NRXN3: variants seen among roughly 807,000 people sequenced by gnomAD.
NRXN3 encodes neurexin 3.
NRXN3 carries 32 observed loss-of-function variants against 137.6 expected under a neutral mutation model. The ratio of observed to expected loss-of-function variants is 0.23; its 90% CI spans 0.18 to 0.31. The LOEUF (loss-of-function observed/expected upper bound fraction) is 0.31. Among genes scored for constraint, NRXN3 ranks in the 10% least tolerant of loss-of-function variants. The probability of loss-of-function intolerance (pLI) is 1.00; values close to 1 mark genes in which losing one functional copy is unlikely to be tolerated. For synonymous variants in NRXN3, 798 were observed against 784.5 expected, an observed-to-expected ratio of 1.02 and a Z score of -0.29; for missense variants, 1,574 against 2,062.5, an observed-to-expected ratio of 0.76 and a Z score of 4.59.
At chr14:79,655,773 A>G (rs1372080808) in intron 16 of NRXN3, among the ~76,000 whole-genome samples, 1 of 152,152 alleles carries the variant, frequency 6.6e-6, no homozygotes, top group Admixed American at 6.5e-5. Flanking sequence ...CAGTTGTGAC[A>G]GCCAAAAATG....
At chr14:79,000,561 G>A (rs1460860086) in intron 15 of NRXN3, among the ~76,000 whole-genome samples, 1 of 152,140 alleles carries the variant, frequency 6.6e-6, no homozygotes, top group Non-Finnish European at 1.5e-5. Context: ...ATTTAGGCAG[G>A]GAGGTGTCAT....
intron 15 of NRXN3, among the ~76,000 whole-genome samples, chr14:79,378,153 G>GTC (rs2094360182): frequency 6.6e-6 from 1 of 152,182 alleles, no homozygotes; most frequent in African/African-American, 2.4e-5. Context: ...TTCATCCTCA[G>GTC]TGCCTTCATT....
At chr14:79,144,109 G>A (rs2059074440) in intron 15 of NRXN3, among the ~76,000 whole-genome samples, 1 of 152,154 alleles carries the variant, frequency 6.6e-6, no homozygotes, top group Non-Finnish European at 1.5e-5. Context: ...GACAAAAGTT[G>A]GATTCATTTT....
At chr14:79,843,876 C>T (rs2099361440) in intron 20 of NRXN3, among the ~76,000 whole-genome samples, 2 of 152,040 alleles carry the variant, frequency 1.3e-5, no homozygotes, top group Admixed American at 1.3e-4. Flanking sequence ...ACATTGTACC[C>T]AATATATAGT....
intron 19 of NRXN3, among the ~76,000 whole-genome samples, chr14:79,723,593 T>G (rs1310980337): frequency 6.6e-6 from 1 of 152,152 alleles, no homozygotes; most frequent in Non-Finnish European, 1.5e-5. Context: ...CTCACTCTTT[T>G]GTGGATGTGT....
intron 15 of NRXN3, among the ~76,000 whole-genome samples, chr14:79,448,966 C>T (rs991742258): frequency 6.6e-6 from 1 of 152,116 alleles, no homozygotes; most frequent in Non-Finnish European, 1.5e-5. Context: ...TGTTCTTGAA[C>T]AATCACAGTC....
intron 16 of NRXN3, among the ~76,000 whole-genome samples, chr14:79,659,532 G>T (rs1442158768): frequency 1.3e-5 from 2 of 152,080 alleles, no homozygotes; most frequent in Non-Finnish European, 2.9e-5. Flanking sequence ...CTTGATGACA[G>T]TGCCCACCAA....
intron 15 of NRXN3, among the ~76,000 whole-genome samples, chr14:79,338,431 G>T (rs900353711): frequency 7.9e-5 from 12 of 152,206 alleles, no homozygotes; most frequent in African/African-American, 2.9e-4. Flanking sequence ...TTACCACTGC[G>T]TTCCCTCCAG....
At chr14:78,201,613 G>A (rs1340322696) in intron 1 of NRXN3, among the ~76,000 whole-genome samples, 1 of 152,154 alleles carries the variant, frequency 6.6e-6, no homozygotes, top group Non-Finnish European at 1.5e-5. Flanking sequence ...GGCTTGCATG[G>A]GACTTCTACG....
At chr14:78,822,068 C>T (rs2098952331) in intron 10 of NRXN3, among the ~76,000 whole-genome samples, 1 of 152,152 alleles carries the variant, frequency 6.6e-6, no homozygotes. Context: ...AAATTGAATA[C>T]TAAGTGAAGA....
At chr14:79,742,099 C>T (rs2098965195) in intron 19 of NRXN3, among the ~76,000 whole-genome samples, 2 of 152,098 alleles carry the variant, frequency 1.3e-5, no homozygotes, top group Non-Finnish European at 2.9e-5. Context: ...TTTTGTTTAT[C>T]CCTTTGCAAT....
chr14:79,253,015 G>A (rs2076134867), intron 15 of NRXN3, among the ~76,000 whole-genome samples: 2 of 152,146 alleles, frequency 1.3e-5, no homozygotes, highest in Non-Finnish European at 2.9e-5. Flanking sequence ...GTTCTTCATG[G>A]AAACTTGCCA....
At chr14:78,374,411 T>C (rs1218890921) in intron 4 of NRXN3, among the ~76,000 whole-genome samples, 1 of 152,206 alleles carries the variant, frequency 6.6e-6, no homozygotes, top group Non-Finnish European at 1.5e-5. Context: ...TCTTTAAATC[T>C]TGTCAAACTG....
chr14:78,219,158 A>AGG (rs5809868), intron 1 of NRXN3, among the ~76,000 whole-genome samples: 4 of 151,850 alleles, frequency 2.6e-5, no homozygotes, highest in Non-Finnish European at 5.9e-5. Flanking sequence ...TTTTGGTGGG[A>AGG]GGGGGGATGC....
At chr14:79,426,423 A>T (rs114903332) in intron 15 of NRXN3, among the ~76,000 whole-genome samples, 61 of 152,316 alleles carry the variant, frequency 4.0e-4, no homozygotes, top group African/African-American at 1.4e-3. Flanking sequence ...AATCAGAGAA[A>T]GGCAAAAGGC....
At chr14:79,331,277 C>T (rs2091644586) in intron 15 of NRXN3, among the ~76,000 whole-genome samples, 1 of 152,132 alleles carries the variant, frequency 6.6e-6, no homozygotes, top group Non-Finnish European at 1.5e-5. Flanking sequence ...ACTTTGGTCC[C>T]ATGCTTATGC....
intron 15 of NRXN3, among the ~76,000 whole-genome samples, chr14:79,054,742 C>T (rs779186110): frequency 2.0e-5 from 3 of 152,112 alleles, no homozygotes; most frequent in Non-Finnish European, 4.4e-5. Context: ...AATCCTAGGC[C>T]AGTTGTTAAC....
At chr14:79,646,361 G>A (rs1037788776) in intron 16 of NRXN3, among the ~76,000 whole-genome samples, 1 of 135,062 alleles carries the variant, frequency 7.4e-6, no homozygotes, top group Non-Finnish European at 1.7e-5. Flanking sequence ...AAGTTCCACG[G>A]GCCTACTGAA....
Position 79,104,317 on chromosome 14 carries a change from A to G in NRXN3, c.3262+116176A>G, listed in dbSNP as rs1030426466. Among the ~76,000 whole-genome samples the G allele has an allele frequency of 2.0e-5, 3 of 152,190 alleles. No individual in the cohort carries two copies. In the South Asian group the frequency reaches 6.2e-4, roughly 31 times the overall value. ...TAGTCTTTGTATACTACAGGCACACATGAATGAATTCATAGACGAATGGAT... is the reference window on the plus strand; with the variant it reads ...TAGTCTTTGTATACTACAGGCACACGTGAATGAATTCATAGACGAATGGAT... On this transcript the variant is annotated intron_variant, in intron 15 of 20. Transcript: ENST00000335750.
Sources: allele counts gnomAD v4.1 joint callset (sites outside exome capture counted in the v4.1 genomes callset), GRCh38; gene constraint gnomAD v4.1.1; transcripts MANE v1.5; gene names NCBI Gene and HGNC (gene_info 2026-07-23, HGNC 2026-07-21).